PHACTR1: variants seen among roughly 807,000 people sequenced by gnomAD.
PHACTR1 encodes RPEL repeat containing 1.
A neutral mutation model predicts 69.2 loss-of-function variants in PHACTR1; 16 were observed. The observed-to-expected ratio is 0.23, with a 90% CI of 0.16 to 0.35. PHACTR1 has a LOEUF of 0.35. PHACTR1 is among the 10% of genes least tolerant of loss of function. The pLI is 1.00. For synonymous variants in PHACTR1, 312 were observed against 284.5 expected (o/e 1.10, Z -0.97); for missense variants, 510 against 734.7 (o/e 0.69, Z 3.54).
chr6:12,718,896 T>G, intron 3 of PHACTR1, 49 bp downstream of exon 3: 509 of 1,181,324 alleles, frequency 4.3e-4, no homozygotes, highest in Non-Finnish European at 5.6e-4. Context: ...GTCGGTTTTA[T>G]ATGAACAGCC....
intron 5 of PHACTR1, among the ~76,000 whole-genome samples, chr6:13,076,572 A>T (rs530262380): frequency 6.6e-6 from 1 of 152,294 alleles, no homozygotes; most frequent in South Asian, 2.1e-4. Context: ...ACTAAGTGCT[A>T]AACCCAGAAT....
At chr6:13,042,864 A>G (rs572627450) in intron 4 of PHACTR1, among the ~76,000 whole-genome samples, 1 of 152,334 alleles carries the variant, frequency 6.6e-6, no homozygotes, top group Admixed American at 6.5e-5. Context: ...CATTTTACAG[A>G]GAGGAAGCCG....
chr6:13,236,995 C>G (rs1202795635), intron 10 of PHACTR1, among the ~76,000 whole-genome samples: 1 of 152,064 alleles, frequency 6.6e-6, no homozygotes, highest in Non-Finnish European at 1.5e-5. Context: ...AGCTTCAACC[C>G]CCTGTTGTTT....
chr6:13,231,703 A>C (rs1205860065), intron 10 of PHACTR1, among the ~76,000 whole-genome samples: 1 of 152,254 alleles, frequency 6.6e-6, no homozygotes, highest in Non-Finnish European at 1.5e-5. Flanking sequence ...TGTTATATTA[A>C]GATATTAACC....
At chr6:13,069,326 T>A (rs1809151654) in intron 5 of PHACTR1, among the ~76,000 whole-genome samples, 1 of 152,194 alleles carries the variant, frequency 6.6e-6, no homozygotes, top group African/African-American at 2.4e-5. Flanking sequence ...CCCAGTGCCA[T>A]TTCTTTCACC....
At chr6:13,190,196 G>GTTTTTTTTTTTTTTTTTTTTT (rs1220683843) in intron 7 of PHACTR1, among the ~76,000 whole-genome samples, 1 of 31,820 alleles carries the variant, frequency 3.1e-5, no homozygotes, top group African/African-American at 1.0e-4. Context: ...GCTAATTTTT[G>GTTTTTTTTTTTTTTTTTTTTT]TATTTTTTTT....
chr6:13,181,403 C>T (rs541896773), intron 6 of PHACTR1, among the ~76,000 whole-genome samples: 122 of 152,174 alleles, frequency 8.0e-4, no homozygotes, highest in African/African-American at 2.6e-3. Flanking sequence ...GTTTCTGACT[C>T]GGCAGAACTT....
At chr6:12,886,729 TGAAAG>T (rs1783678748) in intron 4 of PHACTR1, among the ~76,000 whole-genome samples, 1 of 152,124 alleles carries the variant, frequency 6.6e-6, no homozygotes, top group African/African-American at 2.4e-5. Context: ...CACCTGATGC[TGAAAG>T]GAGAGAAGAC....
chr6:12,922,531 T>C (rs1462487861), intron 4 of PHACTR1, among the ~76,000 whole-genome samples: 1 of 152,190 alleles, frequency 6.6e-6, no homozygotes, highest in Non-Finnish European at 1.5e-5. Flanking sequence ...TGAATATGCA[T>C]GGAACAGCTA....
At chr6:12,856,007 C>G (rs1246213860) in intron 4 of PHACTR1, among the ~76,000 whole-genome samples, 6 of 151,996 alleles carry the variant, frequency 3.9e-5, no homozygotes, top group African/African-American at 1.5e-4. Flanking sequence ...TAGTCACAAA[C>G]AAAAGCTGCT....
Position 13,283,578 on chromosome 6 carries a change from T to C in PHACTR1, c.1650+16T>C, listed in dbSNP as rs377570792. ...TGCAGACAAAGTAAGCAGAGGGGAGTGCTGGAGAGTGGGAGGCAGGACCGT... is the reference window on the plus strand; with the variant it reads ...TGCAGACAAAGTAAGCAGAGGGGAGCGCTGGAGAGTGGGAGGCAGGACCGT... On this transcript the variant is annotated intron_variant, in intron 13 of 14. Coordinates refer to ENST00000332995, the MANE Select transcript of PHACTR1 (RefSeq NM_030948.6). This position sits in a 1 kb window ranked among gnomAD's most constrained non-coding sequence, Gnocchi z 4.7. 5 of 1,612,868 alleles carry C rather than the reference T, an allele frequency of 3.1e-6. No individual in the cohort carries two copies. The highest frequency in any genetic ancestry group is 1.7e-4 in the Middle Eastern group (1 of 6,058).
intron 4 of PHACTR1, among the ~76,000 whole-genome samples, chr6:12,889,258 G>A (rs911019619): frequency 2.6e-5 from 4 of 152,188 alleles, no homozygotes; most frequent in African/African-American, 4.8e-5. Flanking sequence ...GCTACAGAGC[G>A]AGACCCAATC....
chr6:13,005,874 T>C (rs570844904), intron 4 of PHACTR1, among the ~76,000 whole-genome samples: 54 of 151,312 alleles, frequency 3.6e-4, no homozygotes, highest in African/African-American at 1.3e-3. Context: ...CCCACAATTA[T>C]GTTGCATGTG....
intron 4 of PHACTR1, among the ~76,000 whole-genome samples, chr6:12,783,650 T>A (rs1034436973): frequency 6.6e-6 from 1 of 152,166 alleles, no homozygotes; most frequent in South Asian, 2.1e-4. Flanking sequence ...CTTTATTGCA[T>A]GGTAGATATT....
At chr6:13,231,877 T>C (rs187959288) in intron 10 of PHACTR1, among the ~76,000 whole-genome samples, 5 of 152,356 alleles carry the variant, frequency 3.3e-5, no homozygotes, top group African/African-American at 1.2e-4. Context: ...ATTTTACAGA[T>C]GAGAATACCA....
chr6:13,278,318 C>T lies in PHACTR1; in HGVS notation c.1498C>T (p.Leu500=). 6.3e-7 allele frequency: 1 copy of T among 1,599,230 alleles called. No homozygotes were observed. Among genetic ancestry groups the T allele is most frequent in the Non-Finnish European group, 8.5e-7 (1 of 1,172,734 alleles). Residue 500 remains leucine (L), a synonymous_variant, in exon 12 of 15, where the codon CTA becomes TTA. Transcript: ENST00000332995. ...GGAGAAGAGAGAGATCAAGAGGAGG[C>T]TAACCCGAAAGGTAGGTGGTTCTCC... is the stretch of plus-strand genomic sequence containing the variant. ...QEEKREIKRR[L]TRKLSQRPTV...
chr6:13,148,616 T>A (rs1164565310), intron 5 of PHACTR1, among the ~76,000 whole-genome samples: 4 of 152,108 alleles, frequency 2.6e-5, no homozygotes, highest in Non-Finnish European at 5.9e-5. Context: ...AGAGCTCCCA[T>A]AGGACCTGAC....
intron 9 of PHACTR1, among the ~76,000 whole-genome samples, chr6:13,229,570 G>A (rs754591599): frequency 9.9e-5 from 15 of 151,454 alleles, no homozygotes; most frequent in South Asian, 2.1e-4. Flanking sequence ...GATCTTTTCT[G>A]TCTCTTGAGA....
intron 5 of PHACTR1, among the ~76,000 whole-genome samples, chr6:13,141,180 A>G (rs1046346942): frequency 1.3e-5 from 2 of 152,200 alleles, no homozygotes; most frequent in Non-Finnish European, 2.9e-5. Flanking sequence ...CCCCATGGCC[A>G]AATCCTTTAT....
Sources: gnomAD v4.1 joint callset for allele counts (sites outside exome capture counted in the v4.1 genomes callset) on GRCh38, gnomAD v4.1.1 for gene constraint, Gnocchi (gnomAD v3.1) non-coding constraint, MANE v1.5 for transcripts, NCBI Gene and HGNC (gene_info 2026-07-23, HGNC 2026-07-21) for gene names.